TNNI3K: variants seen among roughly 807,000 people sequenced by gnomAD.
The protein encoded by TNNI3K is serine/threonine-protein kinase TNNI3K.
A neutral mutation model predicts 114.5 loss-of-function variants in TNNI3K; 140 were observed. The observed-to-expected ratio is 1.22, with a 90% CI of 1.07 to 1.41. The LOEUF is 1.41. TNNI3K is among the 40% of genes most tolerant of loss of function. TNNI3K has a pLI of 0.00. For synonymous variants in TNNI3K, 347 were observed against 347.5 expected, an observed-to-expected ratio of 1.00 and a Z score of 0.02; for missense variants, 1,125 against 1,007.6, an observed-to-expected ratio of 1.12 and a Z score of -1.58.
intron 21 of TNNI3K, among the ~76,000 whole-genome samples, chr1:74,486,504 T>G (rs1557599698): frequency 9.5e-6 from 1 of 105,794 alleles, no homozygotes; most frequent in South Asian, 2.9e-4. Flanking sequence ...TTTTTGTTTT[T>G]TGCTTTTTTT....
intron 23 of TNNI3K, among the ~76,000 whole-genome samples, chr1:74,526,822 GA>G (rs1433151754): frequency 6.6e-6 from 1 of 152,168 alleles, no homozygotes; most frequent in African/African-American, 2.4e-5. Flanking sequence ...ACACTCTAAA[GA>G]AGAGATTGGT....
At chr1:74,372,401 G>A (rs1662663916) in intron 17 of TNNI3K, 1 of 151,774 alleles carries the variant, frequency 6.6e-6, no homozygotes, top group African/African-American at 2.4e-5. Flanking sequence ...AGATAGGAGA[G>A]ATAAATCAGA....
intron 23 of TNNI3K, among the ~76,000 whole-genome samples, chr1:74,517,222 A>T (rs1646362518): frequency 6.6e-6 from 1 of 152,216 alleles, no homozygotes; most frequent in Non-Finnish European, 1.5e-5. Flanking sequence ...CATTAATCCA[A>T]TTTTACAGAT....
intron 3 of TNNI3K, 114 bp downstream of exon 3, chr1:74,249,658 G>C: frequency 1.9e-6 from 2 of 1,044,496 alleles, no homozygotes; most frequent in Non-Finnish European, 1.3e-6. Context: ...TTTCCCTTCT[G>C]CTTTGCCTTT....
intron 17 of TNNI3K, among the ~76,000 whole-genome samples, chr1:74,389,793 G>A (rs749807320): frequency 6.6e-6 from 1 of 152,116 alleles, no homozygotes; most frequent in East Asian, 1.9e-4. Flanking sequence ...TAAATTTCAG[G>A]AAAACAAAAG....
At chr1:74,408,783 C>T (rs1029234791) in intron 17 of TNNI3K, among the ~76,000 whole-genome samples, 1 of 152,130 alleles carries the variant, frequency 6.6e-6, no homozygotes, top group African/African-American at 2.4e-5. Flanking sequence ...AATGTATTGT[C>T]AGAATCCTTC....
intron 5 of TNNI3K, among the ~76,000 whole-genome samples, chr1:74,312,981 C>T (rs1001832621): frequency 3.9e-5 from 6 of 152,180 alleles, no homozygotes; most frequent in South Asian, 4.1e-4. Context: ...TGTTTTAGAA[C>T]CAATCTGTAC....
intron 20 of TNNI3K, among the ~76,000 whole-genome samples, chr1:74,451,688 TTTCTTTCTTTCTTTCTTTCTTTC>T (rs1667016236): frequency 2.9e-5 from 1 of 34,324 alleles, no homozygotes; most frequent in Non-Finnish European, 7.2e-5. Context: ...TTTTCTTTTC[TTTCTTTCTTTCTTTCTTTCTTTC>T]TTTCTTTCTT....
intron 23 of TNNI3K, among the ~76,000 whole-genome samples, chr1:74,496,157 C>A (rs140113736): frequency 1.3e-5 from 2 of 152,246 alleles, no homozygotes; most frequent in East Asian, 3.9e-4. Context: ...AATATACATC[C>A]AAGTATAAGA....
intron 21 of TNNI3K, chr1:74,469,669 A>T (rs1223367717): frequency 1.3e-5 from 5 of 377,872 alleles, no homozygotes; most frequent in African/African-American, 2.1e-5. Context: ...ATACTCAGTT[A>T]ATTGTGTCAG....
chr1:74,391,040 T>C (rs190090136), intron 17 of TNNI3K, among the ~76,000 whole-genome samples: 1 of 151,594 alleles, frequency 6.6e-6, no homozygotes, highest in Admixed American at 6.6e-5. Flanking sequence ...AATAAAACTT[T>C]AGCAAAAGCC....
At chr1:74,247,093 G>T (rs547793384) in intron 2 of TNNI3K, among the ~76,000 whole-genome samples, 6 of 152,274 alleles carry the variant, frequency 3.9e-5, no homozygotes, top group Admixed American at 1.3e-4. Context: ...CTGACTTCAA[G>T]AATGAAGCCG....
At chr1:74,534,028 C>T (rs556901781) in intron 23 of TNNI3K, among the ~76,000 whole-genome samples, 20 of 152,236 alleles carry the variant, frequency 1.3e-4, no homozygotes, top group Admixed American at 1.0e-3. Flanking sequence ...CCCAAAACGC[C>T]GGTGAAATTA....
At chr1:74,351,782 G>A (rs902743947) in intron 9 of TNNI3K, among the ~76,000 whole-genome samples, 7 of 152,120 alleles carry the variant, frequency 4.6e-5, no homozygotes, top group South Asian at 2.1e-4. Context: ...TTGTGCATTC[G>A]TCACGTAGTT....
At chr1:74,279,666 T>C (rs974527700) in intron 5 of TNNI3K, among the ~76,000 whole-genome samples, 3 of 152,208 alleles carry the variant, frequency 2.0e-5, no homozygotes, top group Admixed American at 6.5e-5. Context: ...TTTTGGTTGG[T>C]ACTGATTTAA....
At chr1:74,324,384 A>C (rs1659786782) in intron 5 of TNNI3K, among the ~76,000 whole-genome samples, 4 of 152,242 alleles carry the variant, frequency 2.6e-5, no homozygotes. Flanking sequence ...TGTCAACTGC[A>C]AACAGTAACA....
At chr1:74,280,858 GT>G (rs751606571) in intron 5 of TNNI3K, among the ~76,000 whole-genome samples, 27 of 152,100 alleles carry the variant, frequency 1.8e-4, no homozygotes, top group Non-Finnish European at 3.2e-4. Context: ...GACCAAGGGA[GT>G]ACTTGCATCA....
chr1:74,476,159 C>T (rs749548674), intron 21 of TNNI3K, among the ~76,000 whole-genome samples: 2 of 152,130 alleles, frequency 1.3e-5, no homozygotes, highest in Non-Finnish European at 2.9e-5. Context: ...TATGAACTCT[C>T]ATAATAGAGT....
intron 17 of TNNI3K, among the ~76,000 whole-genome samples, chr1:74,379,793 CT>C (rs1663105230): frequency 6.6e-6 from 1 of 152,112 alleles, no homozygotes; most frequent in Admixed American, 6.6e-5. Flanking sequence ...ATTCTCCCCC[CT>C]ATACTTCACT....
Sources: allele counts gnomAD v4.1 joint callset (sites outside exome capture counted in the v4.1 genomes callset), GRCh38; gene constraint gnomAD v4.1.1; transcripts MANE v1.5; gene names NCBI Gene and HGNC (gene_info 2026-07-23, HGNC 2026-07-21).